The following PPP1R3G variants were observed in gnomAD, a reference collection of about 807,000 sequenced individuals.
PPP1R3G encodes protein phosphatase 1, regulatory (inhibitor) subunit 3G.
PPP1R3G carries 3 observed loss-of-function variants against 2.0 expected under a neutral mutation model. That is an observed-to-expected ratio of 1.47 (90% confidence interval 0.67 to 3.81). The LOEUF is 3.81. PPP1R3G is among the 30% of genes most tolerant of loss of function. The pLI, the probability that PPP1R3G is intolerant of heterozygous loss-of-function variation, is 0.02. For missense variants in PPP1R3G, 595 were observed against 517.0 expected (o/e 1.15, Z -1.46); for synonymous variants, 267 against 250.9 (o/e 1.06, Z -0.61).
chr6:5,085,664 C>A lies in PPP1R3G; in HGVS notation c.179C>A (p.Ser60Tyr), dbSNP rs1279593365. Residue 60 changes from serine to tyrosine, a missense_variant, in exon 1 of 1, where the codon TCC (serine) becomes TAC (tyrosine). Transcript: ENST00000405617. ...PDAQLGDRPL[S>Y]PKEEAAPQEQ... ...GCTCAGCTAGGGGATAGGCCCCTGTCCCCGAAGGAAGAGGCCGCCCCCCAG... is the reference window on the plus strand; with the variant it reads ...GCTCAGCTAGGGGATAGGCCCCTGTACCCGAAGGAAGAGGCCGCCCCCCAG... The A allele has an allele frequency of 1.3e-6, 2 of 1,548,404 alleles. No individual in the cohort carries two copies. The highest frequency in any genetic ancestry group is 3.9e-5 in the Admixed American group (2 of 50,966).
At position 5,085,444 on chromosome 6, in the gene PPP1R3G, G is replaced by T. The variant is rs767245429; in HGVS notation, c.-42G>T. The T allele has an allele frequency of 1.1e-5, 16 of 1,428,920 alleles. No individual in the cohort carries two copies. The highest frequency in any genetic ancestry group is 1.4e-5 in the Non-Finnish European group (15 of 1,062,312). The allele number at this position is 1,428,920 out of a possible 1,614,324, so 88.5% of individuals were successfully genotyped here. A position where few individuals can be genotyped will look rare whatever the true frequency, so the allele number is the denominator to read the frequency against. The stretch of plus-strand genomic sequence containing the variant: ...CGAGGAGTTAGTTAAGTCTCCAGAG[G>T]GGCCCGGTTCGGCCCGAGCAAGTCC... On this transcript the variant is annotated 5_prime_UTR_variant, in exon 1 of 1. Coordinates refer to ENST00000405617, the MANE Select transcript of PPP1R3G (RefSeq NM_001145115.3).
chr6:5,086,836 G>A lies in PPP1R3G; in HGVS notation c.*274G>A. 2.0e-6 allele frequency: 1 copy of A among 495,544 alleles called. No homozygotes were observed. The highest frequency in any genetic ancestry group is 3.4e-5 in the East Asian group (1 of 29,650). 30.7% of individuals were successfully genotyped at this position (495,544 alleles called of 1,614,324 possible). Reference sequence around the variant, plus strand: ...ACAAGGCCTCTAGAATTCCCAGCCTGCGTCAGAATAGGAAGAAACTTCCAA... The same window carrying A: ...ACAAGGCCTCTAGAATTCCCAGCCTACGTCAGAATAGGAAGAAACTTCCAA... On this transcript the variant is annotated 3_prime_UTR_variant, in exon 1 of 1. Coordinates refer to ENST00000405617, the MANE Select transcript of PPP1R3G (RefSeq NM_001145115.3).
At position 5,085,778 on chromosome 6, in the gene PPP1R3G, TC is replaced by T; in HGVS notation, c.295del (p.Leu99CysfsTer42). ...GACCCCATCTTGCAGGCGGCCAAGT[TC>T]CTGCAGCAGCAGCAGCAACAGGCGG... is the stretch of plus-strand genomic sequence containing the variant. ...PADPILQAAK[F>X]LQQQQQQAVA... is the part of the protein sequence containing the mutation. On this transcript the variant is annotated frameshift_variant, in exon 1 of 1. Transcript: ENST00000405617. LOFTEE classifies it low-confidence loss of function (END_TRUNC). The T allele has an allele frequency of 6.5e-7, 1 of 1,533,632 alleles. No individual in the cohort carries two copies. The highest frequency in any genetic ancestry group is 8.8e-7 in the Non-Finnish European group (1 of 1,141,074).
At position 5,089,096 on chromosome 6, in the gene PPP1R3G, G is replaced by A. The variant is rs1762123985; in HGVS notation, c.*2534G>A. ...ATTTATTGACAGCAAGCCATCAGGA[G>A]TTAACATATTACAATTTAGACTTTT... On this transcript the variant is annotated 3_prime_UTR_variant, in exon 1 of 1. Transcript: ENST00000405617. 1 of 152,176 alleles carries A rather than the reference G, an allele frequency of 6.6e-6. No individual in the cohort carries two copies. Among genetic ancestry groups the A allele is most frequent in the South Asian group, 2.1e-4 (1 of 4,832 alleles). 9.4% of individuals were successfully genotyped at this position (152,176 alleles called of 1,614,324 possible). A position where few individuals can be genotyped will look rare whatever the true frequency, so the allele number is the denominator to read the frequency against.
rs371662553 is a variant in PPP1R3G, at chr6:5,089,338, A to G, written c.*2776A>G. The G allele has an allele frequency of 1.3e-5, 2 of 152,242 alleles. No homozygotes were observed. Among genetic ancestry groups the G allele is most frequent in the Admixed American group, 6.5e-5 (1 of 15,284 alleles). The allele number at this position is 152,242 out of a possible 1,614,324, so 9.4% of individuals were successfully genotyped here. A position where few individuals can be genotyped will look rare whatever the true frequency, so the allele number is the denominator to read the frequency against. ...ATAACCATATTTTTCCGATATATTT[A>G]TAAATACATTAATTTTTAAGATATT... On this transcript the variant is annotated 3_prime_UTR_variant, in exon 1 of 1. Transcript: ENST00000405617.
At position 5,085,852 on chromosome 6, in the gene PPP1R3G, G is replaced by C; in HGVS notation, c.367G>C (p.Gly123Arg). The C allele has an allele frequency of 6.5e-7, 1 of 1,529,892 alleles. No individual in the cohort carries two copies. The highest frequency in any genetic ancestry group is 1.2e-5 in the South Asian group (1 of 83,534). 94.8% of individuals were successfully genotyped at this position (1,529,892 alleles called of 1,614,324 possible). The change falls in exon 1 of 1, where the codon GGC becomes CGC. Residue 123 changes from glycine to arginine, a missense_variant. By Grantham distance (125) the Gly-to-Arg change is moderately radical. Transcript: ENST00000405617. ...GGAGGACGCACAGCTCGGCCCGGGC[G>C]GCTGCTGCGCCAAGTGCAAGAAGCG... The part of the protein sequence containing the change: ...GAEDAQLGPG[G>R]CCAKCKKRVQ...
chr6:5,085,659 CCT>C lies in PPP1R3G; in HGVS notation c.175_176del (p.Leu59ValfsTer173), dbSNP rs1340650729. On this transcript the variant is annotated frameshift_variant, in exon 1 of 1. Transcript: ENST00000405617. LOFTEE classifies it low-confidence loss of function (END_TRUNC). ...CTGACGCTCAGCTAGGGGATAGGCC[CCT>C]GTCCCCGAAGGAAGAGGCCGCCCCC... is the stretch of plus-strand genomic sequence containing the variant. ...SPDAQLGDRP[L>X]SPKEEAAPQE... 6.5e-7 allele frequency: 1 copy of C among 1,548,496 alleles called. No homozygotes were observed. Among genetic ancestry groups the C allele is most frequent in the African/African-American group, 1.4e-5 (1 of 72,880 alleles).
Position 5,085,525 on chromosome 6 carries a change from G to A in PPP1R3G, c.40G>A (p.Gly14Arg), listed in dbSNP as rs1245322839. The A allele has an allele frequency of 1.3e-6, 2 of 1,538,694 alleles. No individual in the cohort carries two copies. The highest frequency in any genetic ancestry group is 1.7e-6 in the Non-Finnish European group (2 of 1,146,018). ...GGCGCGGCTAAGTTTGGAGGCGCCG[G>A]GACCAGCGCCCTTCCGAGAGGCCCC... ...IGARLSLEAPGPAPFREAPPA... is the reference protein window; with the variant it reads ...IGARLSLEAPRPAPFREAPPA... The change falls in exon 1 of 1, where the codon GGA (glycine) becomes AGA (arginine). Residue 14 changes from glycine (G) to arginine (R), a missense_variant. Coordinates refer to ENST00000405617, the MANE Select transcript of PPP1R3G (RefSeq NM_001145115.3).
At position 5,086,699 on chromosome 6, in the gene PPP1R3G, G is replaced by A; in HGVS notation, c.*137G>A. ...GAGGGGCGCGTGGAGGGAAAGGAGG[G>A]AGACTTTGAACCGTCGACTCGCACC... On this transcript the variant is annotated 3_prime_UTR_variant, in exon 1 of 1. Transcript: ENST00000405617. 1.4e-6 allele frequency: 1 copy of A among 734,458 alleles called. No individual in the cohort carries two copies. The allele number at this position is 734,458 out of a possible 1,614,324, so 45.5% of individuals were successfully genotyped here. A position where few individuals can be genotyped will look rare whatever the true frequency, so the allele number is the denominator to read the frequency against.
chr6:5,085,482 C>T lies in PPP1R3G; in HGVS notation c.-4C>T, dbSNP rs971566233. On this transcript the variant is annotated 5_prime_UTR_variant, in exon 1 of 1. Transcript: ENST00000405617. ...CCCGAGCAAGTCCAGGGGCGAACGG[C>T]GTCATGGAGCCCATAGGGGCGCGGC... 6 of 1,530,568 alleles carry T rather than the reference C, an allele frequency of 3.9e-6. No individual in the cohort carries two copies. Among genetic ancestry groups the T allele is most frequent in the Middle Eastern group, 2.3e-4 (1 of 4,340 alleles). 94.8% of individuals were successfully genotyped at this position (1,530,568 alleles called of 1,614,324 possible).
At position 5,086,220 on chromosome 6, in the gene PPP1R3G, C is replaced by T. The variant is rs186324404; in HGVS notation, c.735C>T (p.Pro245=). 1.6e-3 allele frequency: 2,493 copies of T among 1,535,382 alleles called. 20 individuals are homozygous for T. In the African/African-American group the frequency reaches 0.025, roughly 16 times the overall value. Residue 245 remains proline, a synonymous_variant, in exon 1 of 1, where the codon CCC becomes CCT. Transcript: ENST00000405617. The part of the protein sequence containing the change: ...GSGRVLSCPG[P]RAVTVRYTFT... ...GCCGGGTGCTCAGCTGCCCTGGGCCCAGGGCCGTGACCGTGCGCTACACCT... is the reference window on the plus strand; with the variant it reads ...GCCGGGTGCTCAGCTGCCCTGGGCCTAGGGCCGTGACCGTGCGCTACACCT...
At position 5,085,977 on chromosome 6, in the gene PPP1R3G, C is replaced by T; in HGVS notation, c.492C>T (p.Leu164=). Residue 164 remains leucine (L), a synonymous_variant, in exon 1 of 1, where the codon CTC becomes CTT. Coordinates refer to ENST00000405617, the MANE Select transcript of PPP1R3G (RefSeq NM_001145115.3). ...PQVPPAVLSR[L]RSFPMRAEDL... is the part of the protein sequence containing the mutation. ...TGCCGCCCGCCGTGCTCTCGCGCCT[C>T]CGAAGCTTCCCTATGCGTGCCGAGG... The T allele has an allele frequency of 1.3e-6, 2 of 1,527,038 alleles. No individual in the cohort carries two copies. The highest frequency in any genetic ancestry group is 1.2e-5 in the South Asian group (1 of 83,398). The allele number at this position is 1,527,038 out of a possible 1,614,324, so 94.6% of individuals were successfully genotyped here.
rs148308290 is a variant in PPP1R3G at position 5,085,749 on chromosome 6, C to T, written c.264C>T (p.Pro88=). Residue 88 remains proline (P), a synonymous_variant, in exon 1 of 1, where the codon CCC becomes CCT. Transcript: ENST00000405617. Reference sequence around the variant, plus strand: ...GCCGCGCGCGCTCCTTTTCCTTGCCCGCCGACCCCATCTTGCAGGCGGCCA... The same window carrying T: ...GCCGCGCGCGCTCCTTTTCCTTGCCTGCCGACCCCATCTTGCAGGCGGCCA... ...RRCRARSFSL[P]ADPILQAAKF... is the part of the protein sequence containing the mutation. 1 of 1,538,232 alleles carries T rather than the reference C, an allele frequency of 6.5e-7. No homozygotes were observed. The highest frequency in any genetic ancestry group is 1.4e-5 in the African/African-American group (1 of 71,934).
rs1447977685 is a variant in PPP1R3G, at chr6:5,085,567, C to T, written c.82C>T (p.Pro28Ser). Residue 28 changes from proline to serine, a missense_variant, in exon 1 of 1, where the codon CCC becomes TCC. Coordinates refer to ENST00000405617, the MANE Select transcript of PPP1R3G (RefSeq NM_001145115.3). ...FREAPPAEELPAPVVPCVQGG... is the reference protein window; with the variant it reads ...FREAPPAEELSAPVVPCVQGG... Reference sequence around the variant, plus strand: ...AGAGGCCCCGCCGGCCGAGGAGCTGCCCGCCCCGGTGGTCCCCTGTGTGCA... The same window carrying T: ...AGAGGCCCCGCCGGCCGAGGAGCTGTCCGCCCCGGTGGTCCCCTGTGTGCA... 3 of 1,543,112 alleles carry T rather than the reference C, an allele frequency of 1.9e-6. No homozygotes were observed. The South Asian group carries it at 3.6e-5, about 18-fold the overall frequency.
Position 5,086,107 on chromosome 6 carries a change from G to T in PPP1R3G, c.622G>T (p.Ala208Ser). Residue 208 changes from alanine (A) to serine (S), a missense_variant, in exon 1 of 1, where the codon GCC becomes TCC. Coordinates refer to ENST00000405617, the MANE Select transcript of PPP1R3G (RefSeq NM_001145115.3). The part of the protein sequence containing the change: ...RPLFQLPGPS[A>S]AAERLQRQRV... ...GCTCTTCCAGCTCCCGGGGCCGAGC[G>T]CCGCGGCCGAGCGTCTGCAGCGGCA... 1 of 1,462,064 alleles carries T rather than the reference G, an allele frequency of 6.8e-7. No individual in the cohort carries two copies. The highest frequency in any genetic ancestry group is 9.0e-7 in the Non-Finnish European group (1 of 1,116,086). The allele number at this position is 1,462,064 out of a possible 1,614,324, so 90.6% of individuals were successfully genotyped here. A position where few individuals can be genotyped will look rare whatever the true frequency, so the allele number is the denominator to read the frequency against.
rs897164671 is a variant in PPP1R3G, at chr6:5,085,802, C to A, written c.317C>A (p.Ala106Glu). ...TTCCTGCAGCAGCAGCAGCAACAGG[C>A]GGTGGCACTGGGCGGCGAGGGGGCG... ...AKFLQQQQQQAVALGGEGAED... is the reference protein window; with the variant it reads ...AKFLQQQQQQEVALGGEGAED... Residue 106 changes from alanine (A) to glutamate (E), a missense_variant, in exon 1 of 1, where the codon GCG becomes GAG. Coordinates refer to ENST00000405617, the MANE Select transcript of PPP1R3G (RefSeq NM_001145115.3). 2 of 1,527,894 alleles carry A rather than the reference C, an allele frequency of 1.3e-6. No individual in the cohort carries two copies. The highest frequency in any genetic ancestry group is 1.8e-6 in the Non-Finnish European group (2 of 1,139,732). 94.6% of individuals were successfully genotyped at this position (1,527,894 alleles called of 1,614,324 possible).
chr6:5,086,439 C>G lies in PPP1R3G; in HGVS notation c.954C>G (p.Ala318=). 3 of 1,536,572 alleles carry G rather than the reference C, an allele frequency of 2.0e-6. No homozygotes were observed. Among genetic ancestry groups the G allele is most frequent in the Admixed American group, 2.0e-5 (1 of 50,998 alleles). The change falls in exon 1 of 1, where the codon GCC becomes GCG. Residue 318 remains alanine, a synonymous_variant. Coordinates refer to ENST00000405617, the MANE Select transcript of PPP1R3G (RefSeq NM_001145115.3). ...PGLQPEDEED[A]DERGVAVHFA... is the part of the protein sequence containing the mutation. ...TGCAGCCTGAGGACGAAGAGGACGC[C>G]GACGAGCGCGGCGTCGCGGTCCACT...
chr6:5,086,100 G>C lies in PPP1R3G; in HGVS notation c.615G>C (p.Gly205=). The change falls in exon 1 of 1, where the codon GGG becomes GGC. Residue 205 remains glycine (G), a synonymous_variant. Transcript: ENST00000405617. ...TCCGGCCGCTCTTCCAGCTCCCGGG[G>C]CCGAGCGCCGCGGCCGAGCGTCTGC... The part of the protein sequence containing the change: ...SRLRPLFQLP[G]PSAAAERLQR... The C allele has an allele frequency of 6.8e-7, 1 of 1,465,636 alleles. No homozygotes were observed. The highest frequency in any genetic ancestry group is 1.5e-5 in the African/African-American group (1 of 67,566). The allele number at this position is 1,465,636 out of a possible 1,614,324, so 90.8% of individuals were successfully genotyped here.
At position 5,086,063 on chromosome 6, in the gene PPP1R3G, C is replaced by G. The variant is rs368558935; in HGVS notation, c.578C>G (p.Pro193Arg). ...AAAVAAPLSA[P>R]PSRLRPLFQL... ...GCAGTGGCCGCGCCCCTTTCAGCGC[C>G]GCCTTCCCGGCTCCGGCCGCTCTTC... Residue 193 changes from proline to arginine, a missense_variant, in exon 1 of 1, where the codon CCG becomes CGG. Physicochemically the swap from Pro to Arg is moderately radical, Grantham distance 103. Transcript: ENST00000405617. 1,696 of 1,474,296 alleles carry G rather than the reference C, an allele frequency of 1.2e-3. 42 individuals carry two copies. In the East Asian group the frequency reaches 0.039, roughly 34 times the overall value. 91.3% of individuals were successfully genotyped at this position (1,474,296 alleles called of 1,614,324 possible). A position where few individuals can be genotyped will look rare whatever the true frequency, so the allele number is the denominator to read the frequency against.
Sources: gnomAD v4.1 joint callset for allele counts on GRCh38, gnomAD v4.1.1 for gene constraint, MANE v1.5 for transcripts, NCBI Gene and HGNC (gene_info 2026-07-23, HGNC 2026-07-21) for gene names.